Variants in KIFAP3 observed in about 807,000 individuals in gnomAD.
The protein encoded by KIFAP3 is kinesin associated protein 3.
In KIFAP3, 68 loss-of-function variants were observed where a neutral mutation model predicts 106.5. The ratio of observed to expected loss-of-function variants is 0.64; its 90% confidence interval spans 0.53 to 0.78. The LOEUF is 0.78. KIFAP3 is among the 30% of genes least tolerant of loss of function. The probability of loss-of-function intolerance (pLI) is 0.00; values close to 1 mark genes in which losing one functional copy is unlikely to be tolerated. For synonymous variants in KIFAP3, 320 were observed against 311.5 expected, an observed-to-expected ratio of 1.03 and a Z score of -0.29; for missense variants, 780 against 941.8, an observed-to-expected ratio of 0.83 and a Z score of 2.25.
intron 19 of KIFAP3, 94 bp from the exon 20 acceptor site, chr1:169,921,875 T>A (rs1279744704): frequency 1.6e-5 from 14 of 898,098 alleles, no homozygotes; most frequent in Non-Finnish European, 1.9e-5. Flanking sequence ...ACCAAGATTC[T>A]CTTCCTAGCA....
intron 19 of KIFAP3, among the ~76,000 whole-genome samples, chr1:169,939,321 T>C (rs1261493321): frequency 1.3e-5 from 2 of 151,886 alleles, no homozygotes; most frequent in African/African-American, 4.8e-5. Context: ...AGGGTAATGG[T>C]GAAGAAAAGG....
At chr1:170,033,853 C>T (rs1669543012) in intron 7 of KIFAP3, among the ~76,000 whole-genome samples, 1 of 151,820 alleles carries the variant, frequency 6.6e-6, no homozygotes, top group South Asian at 2.1e-4. Flanking sequence ...TAGGTTAAAA[C>T]AGATACCTAA....
intron 15 of KIFAP3, 64 bp from the exon 16 acceptor site, chr1:169,978,247 G>C (rs1425037040): frequency 4.7e-6 from 5 of 1,065,500 alleles, no homozygotes; most frequent in Non-Finnish European, 7.1e-6. Flanking sequence ...TAAAATAATT[G>C]AGGGGAATAA....
In KIFAP3 at chr1:170,035,094, C is replaced by A. The variant is rs184966553; in HGVS notation, c.617+360G>T. 8.0e-4 allele frequency among the ~76,000 whole-genome samples: 121 copies of A among 151,942 alleles called. 1 individual carries two copies. Among genetic ancestry groups the A allele is most frequent in the African/African-American group, 2.9e-3 (119 of 41,516 alleles). On this transcript the variant is annotated intron_variant, in intron 6 of 19. Transcript: ENST00000361580. ...AATACATAACAGGTATGTGTTTGTA[C>A]ATACATGCATATATATAACAATAAC...
At chr1:170,038,211 A>G (rs1669783704) in intron 5 of KIFAP3, 79 bp downstream of exon 5, 2 of 1,112,360 alleles carry the variant, frequency 1.8e-6, no homozygotes, top group Non-Finnish European at 2.5e-6. Flanking sequence ...GAGCTGGAAA[A>G]TATATGAAGT....
At chr1:169,943,781 T>C (rs1030797518) in intron 19 of KIFAP3, among the ~76,000 whole-genome samples, 1 of 152,164 alleles carries the variant, frequency 6.6e-6, no homozygotes, top group Non-Finnish European at 1.5e-5. Context: ...ATGTGAAAAG[T>C]ATATGACGTT....
chr1:169,974,469 G>A (rs1471494851), intron 16 of KIFAP3, among the ~76,000 whole-genome samples: 1 of 151,768 alleles, frequency 6.6e-6, no homozygotes, highest in South Asian at 2.1e-4. Flanking sequence ...TTTAAAAATA[G>A]GTTTAGGGGA....
At chr1:169,946,609 C>T (rs576806234) in intron 19 of KIFAP3, among the ~76,000 whole-genome samples, 1 of 151,866 alleles carries the variant, frequency 6.6e-6, no homozygotes, top group Non-Finnish European at 1.5e-5. Context: ...AATATCTGAA[C>T]CTTAATTTTC....
In KIFAP3 at chr1:170,074,565, C is replaced by G. The variant is rs753700924; in HGVS notation, c.-98G>C. ...GCCAAAGTACCCTCACACCCAGAGG[C>G]GATGACAGTCCTGAGGCCTGCAAGG... On this transcript the variant is annotated 5_prime_UTR_variant, in exon 1 of 20. Transcript: ENST00000361580. 8 of 1,589,884 alleles carry G rather than the reference C, an allele frequency of 5.0e-6. No individual in the cohort carries two copies. Among genetic ancestry groups the G allele is most frequent in the Non-Finnish European group, 6.8e-6 (8 of 1,168,418 alleles).
intron 2 of KIFAP3, among the ~76,000 whole-genome samples, chr1:170,050,276 G>C (rs976042253): frequency 6.6e-6 from 1 of 152,136 alleles, no homozygotes; most frequent in African/African-American, 2.4e-5. Context: ...AATAAGGCGT[G>C]AAGACAAGAT....
At chr1:170,004,727 A>T (rs1346345953) in intron 10 of KIFAP3, among the ~76,000 whole-genome samples, 1 of 150,802 alleles carries the variant, frequency 6.6e-6, no homozygotes, top group Non-Finnish European at 1.5e-5. Flanking sequence ...TAAAGACTTA[A>T]ATGTTAGACC....
chr1:169,993,822 T>A (rs1237891649), intron 10 of KIFAP3, among the ~76,000 whole-genome samples: 9 of 152,284 alleles, frequency 5.9e-5, no homozygotes, highest in African/African-American at 2.2e-4. Flanking sequence ...GAGGTGGAGG[T>A]TGCAGTGAGC....
chr1:169,972,656 A>G (rs1665979923), intron 16 of KIFAP3, 58 bp from the exon 17 acceptor site: 2 of 794,662 alleles, frequency 2.5e-6, no homozygotes, highest in Admixed American at 5.7e-5. Context: ...AGTCAATAAT[A>G]CTACAAAAAT....
chr1:169,943,214 A>G (rs886322662), intron 19 of KIFAP3, among the ~76,000 whole-genome samples: 1 of 152,150 alleles, frequency 6.6e-6, no homozygotes, highest in African/African-American at 2.4e-5. Flanking sequence ...TATGGGCAAT[A>G]TGGAGATTAT....
chr1:170,041,543 C>T (rs747518141), intron 3 of KIFAP3: 51 of 613,442 alleles, frequency 8.3e-5, no homozygotes, highest in South Asian at 7.4e-4. Context: ...AGGGATACCC[C>T]TCGTAGGCAT....
chr1:170,076,070 A>G (rs549405690), upstream of KIFAP3, among the ~76,000 whole-genome samples: 1 of 152,226 alleles, frequency 6.6e-6, no homozygotes, highest in Non-Finnish European at 1.5e-5. Flanking sequence ...AAATGCATAG[A>G]TAATATAACA....
chr1:170,007,934 G>A (rs999520835), intron 10 of KIFAP3, among the ~76,000 whole-genome samples: 2 of 152,134 alleles, frequency 1.3e-5, no homozygotes, highest in Non-Finnish European at 2.9e-5. Flanking sequence ...TAGACCAATG[G>A]AAGAGAACAG....
intron 1 of KIFAP3, among the ~76,000 whole-genome samples, chr1:170,056,039 G>C (rs571934707): frequency 6.6e-6 from 1 of 152,096 alleles, no homozygotes; most frequent in East Asian, 1.9e-4. Context: ...GCTGAGGCGG[G>C]AGGATCACTT....
intron 1 of KIFAP3, among the ~76,000 whole-genome samples, chr1:170,062,548 T>C (rs1671236222): frequency 6.6e-6 from 1 of 152,216 alleles, no homozygotes; most frequent in South Asian, 2.1e-4. Flanking sequence ...ATTTCTTCCA[T>C]GTTCTAAATA....
Sources: gnomAD v4.1 joint callset for allele counts (sites outside exome capture counted in the v4.1 genomes callset) on GRCh38, gnomAD v4.1.1 for gene constraint, MANE v1.5 for transcripts, NCBI Gene and HGNC (gene_info 2026-07-23, HGNC 2026-07-21) for gene names.